GSG1L: variants seen among roughly 807,000 people sequenced by gnomAD.
GSG1L encodes the protein germ cell-specific gene 1-like protein.
Under a neutral mutation model 42.1 loss-of-function variants are expected in GSG1L, and 24 were observed. The observed-to-expected ratio is 0.57, with a 90% CI of 0.41 to 0.80. GSG1L has a LOEUF of 0.80. Ranked by LOEUF, GSG1L falls within the 30% of genes least tolerant of loss-of-function variation. GSG1L has a pLI of 0.00. For missense variants in GSG1L, 445 were observed against 472.2 expected (o/e 0.94, Z 0.53); for synonymous variants, 215 against 203.5 (o/e 1.06, Z -0.48).
At chr16:27,823,740 T>A in intron 5 of GSG1L, 1 of 650,148 alleles carries the variant, frequency 1.5e-6, no homozygotes, top group Non-Finnish European at 2.8e-6. Context: ...CTCCCTTTAC[T>A]CTCATTGTGT....
chr16:27,849,670 A>T (rs1567485347), intron 3 of GSG1L, among the ~76,000 whole-genome samples: 1 of 151,852 alleles, frequency 6.6e-6, no homozygotes, highest in Non-Finnish European at 1.5e-5. Context: ...CTAAAGGTGC[A>T]TGCCACCACA....
At chr16:28,021,860 C>T (rs205376) in intron 1 of GSG1L, among the ~76,000 whole-genome samples, 122,097 of 152,076 alleles carry the variant, frequency 0.8, 49,207 homozygotes, top group South Asian at 0.85. Flanking sequence ...TATAGCCCAG[C>T]TGGGGTTGGC....
chr16:27,994,514 G>A (rs1392879900), intron 1 of GSG1L, among the ~76,000 whole-genome samples: 1 of 152,166 alleles, frequency 6.6e-6, no homozygotes, highest in East Asian at 1.9e-4. Context: ...ACAATATCCA[G>A]CTAGAGTTTG....
chr16:27,826,379 T>C (rs2083209073), intron 5 of GSG1L, among the ~76,000 whole-genome samples: 1 of 152,212 alleles, frequency 6.6e-6, no homozygotes, highest in African/African-American at 2.4e-5. Flanking sequence ...TGCAGCCTCC[T>C]GTCCCCTTCC....
chr16:28,057,195 C>G (rs1156875739), intron 1 of GSG1L, among the ~76,000 whole-genome samples: 1 of 152,138 alleles, frequency 6.6e-6, no homozygotes, highest in Admixed American at 6.5e-5. Flanking sequence ...GAGTGGGGAA[C>G]GGGGGTGATC....
At chr16:27,849,087 G>A (rs1229074233) in intron 3 of GSG1L, among the ~76,000 whole-genome samples, 2 of 151,824 alleles carry the variant, frequency 1.3e-5, no homozygotes, top group African/African-American at 2.4e-5. Context: ...TACTCGGGAG[G>A]CTGAAGCAGG....
chr16:27,944,183 C>G (rs2084836826), intron 2 of GSG1L, among the ~76,000 whole-genome samples: 1 of 152,154 alleles, frequency 6.6e-6, no homozygotes, highest in Admixed American at 6.5e-5. Flanking sequence ...AATAATTTGT[C>G]AGGCTATATA....
rs372738837 is a variant in GSG1L, at chr16:27,866,575, T to C, written c.550+17911A>G. Reference sequence around the variant, plus strand: ...ATGCAGGCTCTCACTTTCACTTTTCTTTTTTAATTTTTTCGAGACAGAGTC... The same window carrying C: ...ATGCAGGCTCTCACTTTCACTTTTCCTTTTTAATTTTTTCGAGACAGAGTC... On this transcript the variant is annotated intron_variant, in intron 3 of 6. Transcript: ENST00000447459. Among the ~76,000 whole-genome samples the C allele has an allele frequency of 3.9e-5, 6 of 152,262 alleles. 1 individual carries two copies. In the East Asian group the frequency reaches 5.8e-4, roughly 15 times the overall value.
intron 3 of GSG1L, among the ~76,000 whole-genome samples, chr16:27,871,806 C>T (rs2083824948): frequency 6.6e-6 from 1 of 152,090 alleles, no homozygotes; most frequent in Admixed American, 6.6e-5. Context: ...TCTATAAATC[C>T]ATTTATAGAA....
At chr16:28,046,900 A>G (rs2086167441) in intron 1 of GSG1L, among the ~76,000 whole-genome samples, 1 of 152,202 alleles carries the variant, frequency 6.6e-6, no homozygotes, top group Admixed American at 6.5e-5. Flanking sequence ...CCACCTGCTC[A>G]GAGAGGGAAA....
At chr16:27,879,315 C>G (rs528260787) in intron 3 of GSG1L, among the ~76,000 whole-genome samples, 2 of 152,284 alleles carry the variant, frequency 1.3e-5, no homozygotes, top group Admixed American at 6.5e-5. Flanking sequence ...CAAGGATGCT[C>G]AAGTCCCTGA....
At chr16:27,984,752 T>C (rs1409126772) in intron 1 of GSG1L, among the ~76,000 whole-genome samples, 1 of 152,034 alleles carries the variant, frequency 6.6e-6, no homozygotes, top group Non-Finnish European at 1.5e-5. Flanking sequence ...TTTATTTTTT[T>C]CCTTTCTTTT....
At chr16:27,910,306 G>A (rs1376888767) in intron 2 of GSG1L, among the ~76,000 whole-genome samples, 2 of 151,988 alleles carry the variant, frequency 1.3e-5, no homozygotes, top group African/African-American at 2.4e-5. Flanking sequence ...CCATATTTGG[G>A]ACAAGGACAA....
intron 1 of GSG1L, among the ~76,000 whole-genome samples, chr16:28,029,798 C>G (rs1211985197): frequency 6.6e-6 from 1 of 152,208 alleles, no homozygotes; most frequent in Non-Finnish European, 1.5e-5. Flanking sequence ...GGATGCAACT[C>G]TTGCTGAGTC....
intron 2 of GSG1L, among the ~76,000 whole-genome samples, chr16:27,925,391 G>A (rs919772791): frequency 1.3e-5 from 2 of 152,010 alleles, no homozygotes; most frequent in African/African-American, 4.8e-5. Context: ...GTCAGGTGGT[G>A]GGAGGGAGGA....
chr16:27,822,576 C>T lies in GSG1L; in HGVS notation c.830+6213G>A, dbSNP rs183374559. ...GGGACCACAGGCACATGCCACCACA[C>T]CCAGCTAATCTTTTAATTTTTTTGT... On this transcript the variant is annotated intron_variant, in intron 5 of 6. Coordinates refer to ENST00000447459, the MANE Select transcript of GSG1L (RefSeq NM_001109763.2). Among the ~76,000 whole-genome samples the T allele has an allele frequency of 6.1e-4, 93 of 152,242 alleles. 1 individual carries two copies. In the East Asian group the frequency reaches 0.015, roughly 24 times the overall value.
At chr16:27,967,804 T>C (rs9933921) in intron 1 of GSG1L, among the ~76,000 whole-genome samples, 22,219 of 152,150 alleles carry the variant, frequency 0.15, 1,821 homozygotes, top group South Asian at 0.26. Context: ...TCCCAGCTAC[T>C]TGGGAGGCTG....
intron 1 of GSG1L, among the ~76,000 whole-genome samples, chr16:27,980,988 G>T (rs951322754): frequency 4.6e-5 from 7 of 151,998 alleles, no homozygotes; most frequent in African/African-American, 1.7e-4. Context: ...TACACAGCTA[G>T]TGGTGGAGCC....
At position 27,789,869 on chromosome 16, in the gene GSG1L, G is replaced by A. The variant is rs1370342586; in HGVS notation, c.*1501C>T. On this transcript the variant is annotated 3_prime_UTR_variant, in exon 7 of 7. Coordinates refer to ENST00000447459, the MANE Select transcript of GSG1L (RefSeq NM_001109763.2). ...GATGGATGGATGGATGATGAAGGAT[G>A]GATGGTTGATGGACTATAGATGGAT... 6.6e-6 allele frequency: 1 copy of A among 151,514 alleles called. No homozygotes were observed. Among genetic ancestry groups the A allele is most frequent in the Non-Finnish European group, 1.5e-5 (1 of 67,868 alleles). 9.4% of individuals were successfully genotyped at this position (151,514 alleles called of 1,614,324 possible).
Sources: allele counts gnomAD v4.1 joint callset (sites outside exome capture counted in the v4.1 genomes callset), GRCh38; gene constraint gnomAD v4.1.1; transcripts MANE v1.5; gene names NCBI Gene and HGNC (gene_info 2026-07-23, HGNC 2026-07-21).